HIVEP2: variants seen among roughly 807,000 people sequenced by gnomAD.
HIVEP2 encodes transcription factor HIVEP2.
Under a neutral mutation model 180.7 loss-of-function variants are expected in HIVEP2, and 14 were observed. The observed-to-expected ratio is 0.08, with a 90% CI of 0.05 to 0.12. HIVEP2 has a LOEUF of 0.12. Ranked by LOEUF, HIVEP2 falls within the 10% of genes least tolerant of loss-of-function variation. The probability of loss-of-function intolerance (pLI) is 1.00; values close to 1 mark genes in which losing one functional copy is unlikely to be tolerated. For synonymous variants in HIVEP2, 1,184 were observed against 1,136.4 expected (o/e 1.04, Z -0.84); for missense variants, 2,579 against 3,008.5 (o/e 0.86, Z 3.34).
chr6:142,850,986 T>C (rs1397399686), intron 1 of HIVEP2, among the ~76,000 whole-genome samples: 5 of 152,260 alleles, frequency 3.3e-5, no homozygotes, highest in African/African-American at 1.2e-4. Context: ...GAAAACCCAG[T>C]TTTATTCATG....
chr6:142,819,592 A>G (rs966818655), intron 2 of HIVEP2, among the ~76,000 whole-genome samples: 3 of 152,214 alleles, frequency 2.0e-5, no homozygotes, highest in African/African-American at 4.8e-5. Context: ...ACCCTTTCCC[A>G]TGTTTCTAAT....
intron 1 of HIVEP2, among the ~76,000 whole-genome samples, chr6:142,878,169 CA>C (rs552902204): frequency 1.6e-4 from 24 of 152,122 alleles, no homozygotes; most frequent in Admixed American, 1.4e-3. Context: ...AAATTGTCTC[CA>C]AAAAACTCTG....
chr6:142,791,515 A>C lies in HIVEP2; in HGVS notation c.-527-7900T>G, dbSNP rs1173443463. Among the ~76,000 whole-genome samples, 4 of 152,196 alleles carry C rather than the reference A, an allele frequency of 2.6e-5. No homozygotes were observed. The East Asian group carries it at 7.7e-4, about 29-fold the overall frequency. ...TCATTGCCTACAAAGTTTAAGGCTA[A>C]AAAAATTCAAGTTTCAAGCAGGCAT... On this transcript the variant is annotated intron_variant, in intron 2 of 9. Transcript: ENST00000367603.
chr6:142,881,015 G>C (rs892140668), intron 1 of HIVEP2, among the ~76,000 whole-genome samples: 1 of 152,092 alleles, frequency 6.6e-6, no homozygotes, highest in South Asian at 2.1e-4. Context: ...CTAGACTCAA[G>C]TTTCTTGAGG....
chr6:142,882,597 A>C (rs1582938725), intron 1 of HIVEP2, among the ~76,000 whole-genome samples: 2 of 147,748 alleles, frequency 1.4e-5, no homozygotes, highest in Non-Finnish European at 3.0e-5. Context: ...CTGGGTGACA[A>C]AGCAAGACTC....
intron 2 of HIVEP2, among the ~76,000 whole-genome samples, chr6:142,798,153 T>C (rs868820052): frequency 6.6e-6 from 1 of 151,820 alleles, no homozygotes; most frequent in African/African-American, 2.4e-5. Flanking sequence ...TGATGGCACA[T>C]CTGATACACA....
rs1475451029 is a variant in HIVEP2 at position 142,771,961 on chromosome 6, G to A, written c.2778C>T (p.Thr926=). 3.7e-6 allele frequency: 6 copies of A among 1,614,124 alleles called. No homozygotes were observed. The highest frequency in any genetic ancestry group is 2.7e-5 in the African/African-American group (2 of 75,020). The part of the protein sequence containing the change: ...EEFQWPQRSE[T]LSQLPAEKLP... ...ACTTCTCCGCGGGGAGCTGGGAAAG[G>A]GTCTCACTTCTCTGGGGCCACTGAA... is the stretch of plus-strand genomic sequence containing the variant. The change falls in exon 5 of 10, where the codon ACC becomes ACT. Residue 926 remains threonine, a synonymous_variant. Transcript: ENST00000367603. This position sits in a 1 kb window ranked among gnomAD's most constrained non-coding sequence, Gnocchi z 5.4.
chr6:142,811,508 C>G (rs1262469666), intron 2 of HIVEP2, among the ~76,000 whole-genome samples: 1 of 151,768 alleles, frequency 6.6e-6, no homozygotes, highest in African/African-American at 2.4e-5. Flanking sequence ...TTTCCCCTCC[C>G]CCTACACACA....
At chr6:142,795,369 C>T (rs2114738662) in intron 2 of HIVEP2, among the ~76,000 whole-genome samples, 1 of 152,040 alleles carries the variant, frequency 6.6e-6, no homozygotes, top group African/African-American at 2.4e-5. Flanking sequence ...AAAAACAACC[C>T]ACCTAATCAA....
chr6:142,857,288 A>G (rs1182666040), intron 1 of HIVEP2, among the ~76,000 whole-genome samples: 4 of 152,166 alleles, frequency 2.6e-5, no homozygotes, highest in African/African-American at 9.7e-5. Flanking sequence ...ATAAAAAGAG[A>G]ATTCAAACAG....
intron 5 of HIVEP2, 112 bp from the exon 6 acceptor site, chr6:142,768,648 G>C: frequency 1.3e-5 from 13 of 993,236 alleles, no homozygotes; most frequent in Non-Finnish European, 2.0e-5. Context: ...GTACTAAAAG[G>C]CCAGGAACTA....
At chr6:142,880,813 A>T (rs531358283) in intron 1 of HIVEP2, among the ~76,000 whole-genome samples, 1 of 151,978 alleles carries the variant, frequency 6.6e-6, no homozygotes, top group African/African-American at 2.4e-5. Flanking sequence ...CACAATCACA[A>T]CTGCAGGTTC....
intron 2 of HIVEP2, among the ~76,000 whole-genome samples, chr6:142,806,746 G>A (rs960098950): frequency 2.0e-5 from 3 of 151,918 alleles, no homozygotes; most frequent in Non-Finnish European, 2.9e-5. Flanking sequence ...TACCATAAAC[G>A]CATACCATGT....
Position 142,760,319 on chromosome 6 carries a change from C to A in HIVEP2, c.5969G>T (p.Cys1990Phe). Residue 1990 changes from cysteine (C) to phenylalanine (F), a missense_variant, in exon 9 of 10, where the codon TGT (cysteine) becomes TTT (phenylalanine). Cys to Phe is a radical substitution (Grantham distance 205). Around this residue, in one of 11 missense-constraint regions of HIVEP2, gnomAD observed 660 missense variants for 731.7 expected, o/e 0.90. Coordinates refer to ENST00000367603, the MANE Select transcript of HIVEP2 (RefSeq NM_006734.4). The stretch of plus-strand genomic sequence containing the variant: ...GTATTCTGTCATCTGGGTATCTTCA[C>A]ATGAATCACTGGGTGTCATAAGCTG... The part of the protein sequence containing the change: ...VTQLMTPSDS[C>F]EDTQMTEYQR... 6.2e-7 allele frequency: 1 copy of A among 1,614,118 alleles called. No homozygotes were observed. Among genetic ancestry groups the A allele is most frequent in the East Asian group, 2.2e-5 (1 of 44,884 alleles).
At chr6:142,896,853 GC>G (rs1212852529) in intron 1 of HIVEP2, among the ~76,000 whole-genome samples, 1 of 152,014 alleles carries the variant, frequency 6.6e-6, no homozygotes, top group African/African-American at 2.4e-5. Flanking sequence ...TACTTGGTCA[GC>G]ACATATAAAC....
chr6:142,789,473 A>C lies in HIVEP2; in HGVS notation c.-527-5858T>G, dbSNP rs545541030. 1.6e-4 allele frequency among the ~76,000 whole-genome samples: 25 copies of C among 152,324 alleles called. No homozygotes were observed. In the South Asian group the frequency reaches 3.1e-3, roughly 19 times the overall value. The stretch of plus-strand genomic sequence containing the variant: ...AGCAAATATATGACTACAAACTTCT[A>C]TTACTATTTAAATGTTTAGCTTATT... On this transcript the variant is annotated intron_variant, in intron 2 of 9. Coordinates refer to ENST00000367603, the MANE Select transcript of HIVEP2 (RefSeq NM_006734.4).
chr6:142,830,470 A>G (rs1775048763), intron 2 of HIVEP2, among the ~76,000 whole-genome samples: 1 of 152,104 alleles, frequency 6.6e-6, no homozygotes, highest in Admixed American at 6.5e-5. Context: ...ACACATACAC[A>G]TGTTCCTGAG....
rs1037882887 is a variant in HIVEP2 at position 142,945,107 on chromosome 6, G to C, written c.-649C>G. 3 of 146,996 alleles carry C rather than the reference G, an allele frequency of 2.0e-5. No homozygotes were observed. The highest frequency in any genetic ancestry group is 7.4e-5 in the African/African-American group (3 of 40,676). The allele number at this position is 146,996 out of a possible 1,614,324, so 9.1% of individuals were successfully genotyped here. A position where few individuals can be genotyped will look rare whatever the true frequency, so the allele number is the denominator to read the frequency against. ...GCCCCCTCCCCCGCTACCTGACAAC[G>C]GGCCGCCGCCGGCCGCCGCAGCCGC... On this transcript the variant is annotated 5_prime_UTR_variant, in exon 1 of 10. Transcript: ENST00000367603. The surrounding 1 kb of genome is among the most constrained non-coding windows in gnomAD (Gnocchi z 5.5).
intron 7 of HIVEP2, among the ~76,000 whole-genome samples, chr6:142,763,687 T>C (rs1425779420): frequency 6.6e-6 from 1 of 152,222 alleles, no homozygotes; most frequent in African/African-American, 2.4e-5. Flanking sequence ...TATTTTCTTA[T>C]CTCCTAGGGA....
Sources: gnomAD v4.1 joint callset for allele counts (sites outside exome capture counted in the v4.1 genomes callset) on GRCh38, gnomAD v4.1.1 for gene constraint, gnomAD v4.1.1 regional missense constraint, Gnocchi (gnomAD v3.1) non-coding constraint, MANE v1.5 for transcripts, NCBI Gene and HGNC (gene_info 2026-07-23, HGNC 2026-07-21) for gene names.